Variants in UNC119 observed in about 807,000 individuals in gnomAD.
The protein encoded by UNC119 is protein unc-119 homolog A.
UNC119 carries 15 observed loss-of-function variants against 22.6 expected under a neutral mutation model. The observed-to-expected ratio is 0.66, with a 90% CI of 0.44 to 1.02. UNC119 has a LOEUF of 1.02. Among genes scored for constraint, UNC119 ranks in the 50% least tolerant of loss-of-function variants. The probability of loss-of-function intolerance (pLI) is 0.00; values close to 1 mark genes in which losing one functional copy is unlikely to be tolerated. For synonymous variants in UNC119, 138 were observed against 139.4 expected (o/e 0.99, Z 0.07); for missense variants, 322 against 336.0 (o/e 0.96, Z 0.33).
At chr17:28,547,601 C>G (rs2070221310) in intron 4 of UNC119, 76 bp downstream of exon 4, 1 of 1,612,984 alleles carries the variant, frequency 6.2e-7, no homozygotes, top group East Asian at 2.2e-5. Context: ...ATCAGACCCA[C>G]AAGTCCCTCT....
At position 28,548,017 on chromosome 17, in the gene UNC119, A is replaced by T; in HGVS notation, c.419T>A (p.Leu140Gln). 6.2e-7 allele frequency: 1 copy of T among 1,613,826 alleles called. No homozygotes were observed. Among genetic ancestry groups the T allele is most frequent in the Non-Finnish European group, 8.5e-7 (1 of 1,179,994 alleles). The change falls in exon 3 of 5, where the codon CTG becomes CAG. Residue 140 changes from leucine to glutamine, a missense_variant. Transcript: ENST00000335765. ...GACTCACGTGGCTCCCACCTGCCTC[A>T]GGCGGAGGAAGGCAGGCGTGAACTG... Reference protein sequence around the residue: ...RYQFTPAFLRLRQVGATVEFT... With the variant: ...RYQFTPAFLRQRQVGATVEFT...
intron 2 of UNC119, 119 bp from the exon 3 acceptor site, chr17:28,548,220 G>T: frequency 9.7e-7 from 1 of 1,031,434 alleles, no homozygotes; most frequent in Non-Finnish European, 1.4e-6. Context: ...AAATTCCGGG[G>T]CACACTGAGG....
intron 1 of UNC119, chr17:28,550,029 C>T (rs1266771140): frequency 6.6e-6 from 1 of 152,262 alleles, no homozygotes; most frequent in East Asian, 1.9e-4. Context: ...CTTCCCCAAG[C>T]CTGACGCTGT....
intron 2 of UNC119, 101 bp from the exon 3 acceptor site, chr17:28,548,202 T>TC (rs1443274933): frequency 2.4e-6 from 3 of 1,240,538 alleles, no homozygotes; most frequent in Non-Finnish European, 3.4e-6. Context: ...TTTTTTAAAC[T>TC]CCCCAAGAAA....
chr17:28,547,702 G>C lies in UNC119; in HGVS notation c.585C>G (p.Asp195Glu). 6.2e-7 allele frequency: 1 copy of C among 1,614,224 alleles called. No individual in the cohort carries two copies. Among genetic ancestry groups the C allele is most frequent in the Non-Finnish European group, 8.5e-7 (1 of 1,180,036 alleles). The change falls in exon 4 of 5, where the codon GAC becomes GAG. Residue 195 changes from aspartate (D) to glutamate (E), a missense_variant. Coordinates refer to ENST00000335765, the MANE Select transcript of UNC119 (RefSeq NM_005148.4). ...TCAGCTCCTCGGAGAGAGGGGGGAA[G>C]TCGTAAATGTGCTCGCAGGTGTTCT... ...SSKNTCEHIY[D>E]FPPLSEELIS...
Position 28,551,996 on chromosome 17 carries a change from G to C in UNC119, c.220+342C>G, listed in dbSNP as rs545811506. The C allele has an allele frequency of 8.1e-5, 41 of 507,038 alleles. 1 individual carries two copies. Among genetic ancestry groups the C allele is most frequent in the Middle Eastern group, 1.1e-3 (2 of 1,802 alleles). 31.4% of individuals were successfully genotyped at this position (507,038 alleles called of 1,614,324 possible). On this transcript the variant is annotated intron_variant, in intron 1 of 4. Transcript: ENST00000335765. The stretch of plus-strand genomic sequence containing the variant: ...CAGCCCCTCTCTTCATTAGTGCAGG[G>C]ACGGGCCTCAAAGCGCTCTGGAGAC...
Position 28,552,588 on chromosome 17 carries a change from T to G in UNC119, c.-31A>C, listed in dbSNP as rs763603203. 35 of 1,477,882 alleles carry G rather than the reference T, an allele frequency of 2.4e-5. No homozygotes were observed. The African/African-American group carries it at 4.4e-4, about 19-fold the overall frequency. 91.5% of individuals were successfully genotyped at this position (1,477,882 alleles called of 1,614,324 possible). A position where few individuals can be genotyped will look rare whatever the true frequency, so the allele number is the denominator to read the frequency against. ...TGCGGGGCCGAGGCTCGCCTGCTGC[T>G]GCCGCCGCTGCCTGCGCCGGCTGGA... On this transcript the variant is annotated 5_prime_UTR_variant, in exon 1 of 5. Coordinates refer to ENST00000335765, the MANE Select transcript of UNC119 (RefSeq NM_005148.4).
In UNC119 at chr17:28,552,513, C is replaced by G; in HGVS notation, c.45G>C (p.Glu15Asp). The change falls in exon 1 of 5, where the codon GAG becomes GAC. Residue 15 changes from glutamate to aspartate, a missense_variant. Transcript: ENST00000335765. ...KGGGGAGTAT[E>D]SAPGPSGQSV... ...TCTGGCCCGAGGGCCCCGGAGCGGA[C>G]TCCGTCGCCGTCCCGGCCCCACCGC... 1 of 1,558,842 alleles carries G rather than the reference C, an allele frequency of 6.4e-7. No individual in the cohort carries two copies. The highest frequency in any genetic ancestry group is 1.4e-5 in the African/African-American group (1 of 71,054).
Position 28,547,291 on chromosome 17 carries a change from G to C in UNC119, c.*6C>G. The C allele has an allele frequency of 1.2e-6, 2 of 1,613,990 alleles. No homozygotes were observed. Among genetic ancestry groups the C allele is most frequent in the Non-Finnish European group, 1.7e-6 (2 of 1,179,922 alleles). ...GGAGCCTCCTGGGGTCAGGGCAGCC[G>C]TGGGGTCAGGGTGTCCCGCTGTAGG... On this transcript the variant is annotated 3_prime_UTR_variant, in exon 5 of 5. Coordinates refer to ENST00000335765, the MANE Select transcript of UNC119 (RefSeq NM_005148.4).
Position 28,552,467 on chromosome 17 carries a change from G to A in UNC119, c.91C>T (p.Pro31Ser). 6.3e-7 allele frequency: 1 copy of A among 1,579,160 alleles called. No homozygotes were observed. The highest frequency in any genetic ancestry group is 1.1e-5 in the South Asian group (1 of 88,374). ...GACCCAGATTCGGATTCCGCAGGCG[G>A]CTGTGGTATGGGGGCCACGCTCTGG... ...SGQSVAPIPQ[P>S]PAESESGSES... is the part of the protein sequence containing the mutation. The change falls in exon 1 of 5, where the codon CCG (proline) becomes TCG (serine). Residue 31 changes from proline (P) to serine (S), a missense_variant. Coordinates refer to ENST00000335765, the MANE Select transcript of UNC119 (RefSeq NM_005148.4).
rs1206639128 is a variant in UNC119 at position 28,548,712 on chromosome 17, G to T, written c.221-7C>A. On this transcript the variant is annotated splice_polypyrimidine_tract_variant and splice_region_variant and intron_variant, in intron 1 of 4. Coordinates refer to ENST00000335765, the MANE Select transcript of UNC119 (RefSeq NM_005148.4). ...TCAGGGGAGCAGAGGTAGTCTAGGG[G>T]AAACAGGCAGCTGAGCAAGGAAGGG... The T allele has an allele frequency of 1.2e-6, 2 of 1,611,722 alleles. No homozygotes were observed. The highest frequency in any genetic ancestry group is 1.7e-6 in the Non-Finnish European group (2 of 1,178,162).
In UNC119 at chr17:28,552,415, C is replaced by T. The variant is rs1337977868; in HGVS notation, c.143G>A (p.Gly48Glu). ...GSESEPDAGP[G>E]PRPGPLQRKQ... ...CCTCTGCAGCGGCCCCGGCCTGGGCCCTGGGCCTGCGTCCGGCTCCGACTC... is the reference window on the plus strand; with the variant it reads ...CCTCTGCAGCGGCCCCGGCCTGGGCTCTGGGCCTGCGTCCGGCTCCGACTC... Residue 48 changes from glycine to glutamate, a missense_variant, in exon 1 of 5, where the codon GGG becomes GAG. Physicochemically the swap from Gly to Glu is moderately conservative, Grantham distance 98 (BLOSUM62 -2). Transcript: ENST00000335765. 6.4e-7 allele frequency: 1 copy of T among 1,557,032 alleles called. No homozygotes were observed. Among genetic ancestry groups the T allele is most frequent in the Non-Finnish European group, 8.6e-7 (1 of 1,159,604 alleles).
chr17:28,550,537 G>C (rs1243492725), intron 1 of UNC119: 2 of 152,170 alleles, frequency 1.3e-5, no homozygotes, highest in African/African-American at 4.8e-5. Context: ...TCAGAATAAG[G>C]GGCAGAGTGG....
Position 28,546,845 on chromosome 17 carries a change from G to T in UNC119, c.*452C>A. 1 of 295,762 alleles carries T rather than the reference G, an allele frequency of 3.4e-6. No individual in the cohort carries two copies. Among genetic ancestry groups the T allele is most frequent in the Non-Finnish European group, 6.7e-6 (1 of 148,328 alleles). 18.3% of individuals were successfully genotyped at this position (295,762 alleles called of 1,614,324 possible). A position where few individuals can be genotyped will look rare whatever the true frequency, so the allele number is the denominator to read the frequency against. On this transcript the variant is annotated 3_prime_UTR_variant, in exon 5 of 5. Coordinates refer to ENST00000335765, the MANE Select transcript of UNC119 (RefSeq NM_005148.4). ...TGGGGAGGGATGGGGCTAGGCCTAG[G>T]GCCCAGACTCCCTTGGGTGGCTTGG... is the stretch of plus-strand genomic sequence containing the variant.
In UNC119 at chr17:28,547,049, C is replaced by T; in HGVS notation, c.*248G>A. 1 of 490,798 alleles carries T rather than the reference C, an allele frequency of 2.0e-6. No individual in the cohort carries two copies. The highest frequency in any genetic ancestry group is 3.7e-6 in the Non-Finnish European group (1 of 267,072). 30.4% of individuals were successfully genotyped at this position (490,798 alleles called of 1,614,324 possible). On this transcript the variant is annotated 3_prime_UTR_variant, in exon 5 of 5. Coordinates refer to ENST00000335765, the MANE Select transcript of UNC119 (RefSeq NM_005148.4). ...AAGTTGTCCGGAAGTCCTGACTGCT[C>T]CTCTCACAGGCCTTCCTAGACGTGG... is the stretch of plus-strand genomic sequence containing the variant.
rs773882806 is a variant in UNC119, at chr17:28,547,032, CG to C, written c.*264del. Reference sequence around the variant, plus strand: ...CCAAGTAGGGCCCAGCTAAGTTGTCCGGAAGTCCTGACTGCTCCTCTCACAG... The same window carrying C: ...CCAAGTAGGGCCCAGCTAAGTTGTCCGAAGTCCTGACTGCTCCTCTCACAG... On this transcript the variant is annotated 3_prime_UTR_variant, in exon 5 of 5. Transcript: ENST00000335765. 5.5e-5 allele frequency: 25 copies of C among 455,970 alleles called. 1 individual carries two copies. Among genetic ancestry groups the C allele is most frequent in the Non-Finnish European group, 8.6e-5 (21 of 244,786 alleles). 28.2% of individuals were successfully genotyped at this position (455,970 alleles called of 1,614,324 possible).
Position 28,552,370 on chromosome 17 carries a change from T to C in UNC119, c.188A>G (p.Glu63Gly). Residue 63 changes from glutamate (E) to glycine (G), a missense_variant, in exon 1 of 5, where the codon GAG becomes GGG. Coordinates refer to ENST00000335765, the MANE Select transcript of UNC119 (RefSeq NM_005148.4). ...GATCCGCTGCAGCCCCAGCACGTCC[T>C]CCGGCCCGATCGGCTGCTTCCTCTG... is the stretch of plus-strand genomic sequence containing the variant. ...PLQRKQPIGP[E>G]DVLGLQRITG... 6.5e-7 allele frequency: 1 copy of C among 1,543,742 alleles called. No individual in the cohort carries two copies. The highest frequency in any genetic ancestry group is 2.4e-5 in the East Asian group (1 of 41,608).
rs1264066106 is a variant in UNC119 at position 28,552,572 on chromosome 17, G to C, written c.-15C>G. ...TTCACCTTCATGGCCTTGCGGGGCC[G>C]AGGCTCGCCTGCTGCTGCCGCCGCT... is the stretch of plus-strand genomic sequence containing the variant. On this transcript the variant is annotated 5_prime_UTR_variant, in exon 1 of 5. Coordinates refer to ENST00000335765, the MANE Select transcript of UNC119 (RefSeq NM_005148.4). 6.0e-6 allele frequency: 9 copies of C among 1,497,050 alleles called. No individual in the cohort carries two copies. The highest frequency in any genetic ancestry group is 8.0e-6 in the Non-Finnish European group (9 of 1,131,606). 92.7% of individuals were successfully genotyped at this position (1,497,050 alleles called of 1,614,324 possible). A position where few individuals can be genotyped will look rare whatever the true frequency, so the allele number is the denominator to read the frequency against.
At chr17:28,548,823 GA>G in intron 1 of UNC119, 118 bp from the exon 2 acceptor site, 1 of 772,912 alleles carries the variant, frequency 1.3e-6, no homozygotes, top group Non-Finnish European at 2.2e-6. Flanking sequence ...CTGCCCTCTG[GA>G]AAGAGGGACC....
Sources: gnomAD v4.1 joint callset for allele counts on GRCh38, gnomAD v4.1.1 for gene constraint, MANE v1.5 for transcripts, NCBI Gene and HGNC (gene_info 2026-07-23, HGNC 2026-07-21) for gene names.